The following DNER variants were observed in gnomAD, a reference collection of about 807,000 sequenced individuals.
DNER encodes the protein delta/notch like EGF repeat containing.
In DNER, 33 loss-of-function variants were observed where a neutral mutation model predicts 78.2. The ratio of observed to expected loss-of-function variants is 0.42; its 90% CI spans 0.32 to 0.56. The LOEUF is 0.56. Among genes scored for constraint, DNER ranks in the 20% least tolerant of loss-of-function variants. DNER has a pLI of 0.11. For synonymous variants in DNER, 417 were observed against 384.8 expected, an observed-to-expected ratio of 1.08 and a Z score of -0.98; for missense variants, 918 against 975.3, an observed-to-expected ratio of 0.94 and a Z score of 0.78.
chr2:229,562,958 C>CCAT (rs1273480473), intron 4 of DNER, among the ~76,000 whole-genome samples: 29 of 151,304 alleles, frequency 1.9e-4, no homozygotes, highest in Non-Finnish European at 1.0e-4. Context: ...CATCCCACCA[C>CCAT]CATCATCATC....
chr2:229,577,670 T>C (rs1697328034), intron 4 of DNER, among the ~76,000 whole-genome samples: 1 of 151,988 alleles, frequency 6.6e-6, no homozygotes, highest in Non-Finnish European at 1.5e-5. Flanking sequence ...AAAGCAGATA[T>C]GCCCTGCCTG....
At chr2:229,662,844 C>T (rs570065073) in intron 1 of DNER, among the ~76,000 whole-genome samples, 2 of 152,294 alleles carry the variant, frequency 1.3e-5, no homozygotes, top group South Asian at 2.1e-4. Flanking sequence ...GTGGGAAAGC[C>T]ATAAGGAAGA....
intron 1 of DNER, among the ~76,000 whole-genome samples, chr2:229,610,530 A>T (rs537454508): frequency 6.6e-6 from 1 of 152,366 alleles, no homozygotes; most frequent in South Asian, 2.1e-4. Context: ...GGCAATGCGC[A>T]GAAATGTGTC....
At chr2:229,521,569 T>C (rs1368299662) in intron 5 of DNER, among the ~76,000 whole-genome samples, 2 of 152,236 alleles carry the variant, frequency 1.3e-5, no homozygotes, top group African/African-American at 4.8e-5. Context: ...TGATTAAGCA[T>C]AGGCGAGCTA....
chr2:229,454,801 A>G (rs1262970058), intron 7 of DNER, among the ~76,000 whole-genome samples: 4 of 152,194 alleles, frequency 2.6e-5, no homozygotes, highest in Non-Finnish European at 5.9e-5. Context: ...CTAATACTTA[A>G]TATTTTCAGA....
intron 7 of DNER, among the ~76,000 whole-genome samples, chr2:229,458,135 C>CAAAAAAAAAAAAAA (rs61340733): frequency 2.3e-4 from 4 of 17,716 alleles, no homozygotes; most frequent in African/African-American, 2.1e-4. Flanking sequence ...GACTCTATCT[C>CAAAAAAAAAAAAAA]AAAAAAAAAA....
chr2:229,515,391 G>T (rs1695949107), intron 5 of DNER, among the ~76,000 whole-genome samples: 1 of 152,092 alleles, frequency 6.6e-6, no homozygotes, highest in African/African-American at 2.4e-5. Context: ...TGCTGTGCAC[G>T]CCCAGTGCAT....
At chr2:229,548,819 A>T (rs913598255) in intron 4 of DNER, among the ~76,000 whole-genome samples, 1 of 152,232 alleles carries the variant, frequency 6.6e-6, no homozygotes, top group African/African-American at 2.4e-5. Context: ...TATTTCATTG[A>T]TCTAAAGATA....
rs1319662662 is a variant in DNER at position 229,577,908 on chromosome 2, T to C, written c.847+7950A>G. On this transcript the variant is annotated intron_variant, in intron 4 of 12. Coordinates refer to ENST00000341772, the MANE Select transcript of DNER (RefSeq NM_139072.4). The stretch of plus-strand genomic sequence containing the variant: ...ACCAAGTTAAAGAATATTCCAAAAA[T>C]TTAAGTGTCCTGCCAACTATCTTAT... 2.6e-5 allele frequency among the ~76,000 whole-genome samples: 4 copies of C among 152,194 alleles called. No homozygotes were observed. The East Asian group carries it at 7.7e-4, about 29-fold the overall frequency.
Position 229,537,562 on chromosome 2 carries a change from T to C in DNER, c.993+9385A>G, listed in dbSNP as rs556156376. Among the ~76,000 whole-genome samples the C allele has an allele frequency of 2.0e-5, 3 of 152,204 alleles. No homozygotes were observed. The East Asian group carries it at 5.8e-4, about 29-fold the overall frequency. ...GGTGGAGAGACCTCTAAAATCCCCT[T>C]CTACTCTAAATTCTCTGACCCTGAA... On this transcript the variant is annotated intron_variant, in intron 5 of 12. Transcript: ENST00000341772.
intron 5 of DNER, among the ~76,000 whole-genome samples, chr2:229,545,241 G>C (rs1456149793): frequency 6.6e-6 from 1 of 152,160 alleles, no homozygotes; most frequent in Admixed American, 6.5e-5. Flanking sequence ...CCTTGTTAGA[G>C]ATCTTCAGGT....
At chr2:229,635,059 G>C (rs1278847249) in intron 1 of DNER, among the ~76,000 whole-genome samples, 1 of 152,208 alleles carries the variant, frequency 6.6e-6, no homozygotes, top group Non-Finnish European at 1.5e-5. Context: ...TCCATGCAAG[G>C]TTGATATTCA....
At chr2:229,607,327 G>A (rs900279710) in intron 1 of DNER, among the ~76,000 whole-genome samples, 4 of 152,050 alleles carry the variant, frequency 2.6e-5, no homozygotes, top group South Asian at 2.1e-4. Flanking sequence ...GGTTCTCGTC[G>A]TGCTCCCTAT....
In DNER at chr2:229,512,839, C is replaced by T; in HGVS notation, c.1091G>A (p.Cys364Tyr). ...QRKPCQNNAS[C>Y]IDANEKQDGS... ...ATCTTGCTTTTCATTTGCATCAATA[C>T]AGCTCGCGTTGTTTTGGCAAGGTTT... Residue 364 changes from cysteine to tyrosine, a missense_variant, in exon 6 of 13, where the codon TGT becomes TAT. Physicochemically the swap from Cys to Tyr is radical, Grantham distance 194. Coordinates refer to ENST00000341772, the MANE Select transcript of DNER (RefSeq NM_139072.4). 6.2e-7 allele frequency: 1 copy of T among 1,614,178 alleles called. No homozygotes were observed.
chr2:229,597,289 T>G (rs1697737803), intron 1 of DNER, among the ~76,000 whole-genome samples: 1 of 152,258 alleles, frequency 6.6e-6, no homozygotes, highest in African/African-American at 2.4e-5. Flanking sequence ...AGTTTTATTT[T>G]TTGGGAAAGC....
At chr2:229,463,856 T>G (rs1051449227) in intron 7 of DNER, among the ~76,000 whole-genome samples, 1 of 152,152 alleles carries the variant, frequency 6.6e-6, no homozygotes, top group African/African-American at 2.4e-5. Context: ...AAGGACATAT[T>G]TGAGATAATG....
At chr2:229,564,851 A>T (rs1697072240) in intron 4 of DNER, among the ~76,000 whole-genome samples, 1 of 152,174 alleles carries the variant, frequency 6.6e-6, no homozygotes, top group South Asian at 2.1e-4. Context: ...AAACAAAGGA[A>T]ATTTATTGCT....
chr2:229,359,345 C>G (rs1438176892), intron 12 of DNER, among the ~76,000 whole-genome samples: 1 of 152,130 alleles, frequency 6.6e-6, no homozygotes, highest in Non-Finnish European at 1.5e-5. Flanking sequence ...CTCTCAGAAG[C>G]CAAGGGAGTC....
At chr2:229,523,564 C>T (rs1696144476) in intron 5 of DNER, among the ~76,000 whole-genome samples, 1 of 152,184 alleles carries the variant, frequency 6.6e-6, no homozygotes, top group Non-Finnish European at 1.5e-5. Flanking sequence ...CCTCATTTCA[C>T]TTTACCTCTT....
Sources: allele counts gnomAD v4.1 joint callset (sites outside exome capture counted in the v4.1 genomes callset), GRCh38; gene constraint gnomAD v4.1.1; transcripts MANE v1.5; gene names NCBI Gene and HGNC (gene_info 2026-07-23, HGNC 2026-07-21).